The following PDE1A variants were observed in gnomAD, a reference collection of about 807,000 sequenced individuals.
The protein encoded by PDE1A is phosphodiesterase 1A.
PDE1A carries 35 observed loss-of-function variants against 61.7 expected under a neutral mutation model. That is an observed-to-expected ratio of 0.57 (90% CI 0.43 to 0.75). The LOEUF (loss-of-function observed/expected upper bound fraction) is 0.75, where lower values mean the gene tolerates loss of function less well. PDE1A is among the 30% of genes least tolerant of loss of function. The pLI is 0.00. For synonymous variants in PDE1A, 232 were observed against 213.2 expected (o/e 1.09, Z -0.77); for missense variants, 597 against 630.6 (o/e 0.95, Z 0.57).
rs891299494 is a variant in PDE1A, at chr2:182,417,603, T to C, written c.53+8975A>G. 2.6e-5 allele frequency among the ~76,000 whole-genome samples: 4 copies of C among 152,186 alleles called. No individual in the cohort carries two copies. The East Asian group carries it at 7.7e-4, about 29-fold the overall frequency. On this transcript the variant is annotated intron_variant, in intron 1 of 13. Coordinates refer to ENST00000351439, the Ensembl canonical transcript of PDE1A. ...CTTCTTCATATTCAGAAGTCCACTG[T>C]ACCCAACAGAGATTTTTCATGAAAA...
chr2:182,493,528 A>G (rs529358696), intron 2 of PDE1A, among the ~76,000 whole-genome samples: 2 of 152,250 alleles, frequency 1.3e-5, no homozygotes, highest in South Asian at 4.1e-4. Flanking sequence ...GAGAACATGC[A>G]GTGTTAGAAC....
At chr2:182,671,809 CAG>C in the PDE1A span, among the ~76,000 whole-genome samples, 95,806 of 150,494 alleles carry the variant, frequency 0.64, 30,986 homozygotes, top group Middle Eastern at 0.78. Context: ...TTAGTAGAGA[CAG>C]AGTTTCACCA....
chr2:182,259,512 T>G (rs1027806113), intron 2 of PDE1A, among the ~76,000 whole-genome samples: 7 of 152,246 alleles, frequency 4.6e-5, no homozygotes, highest in Non-Finnish European at 8.8e-5. Flanking sequence ...TTAGGCATTG[T>G]TACACATTTA....
intron 8 of PDE1A, 45 bp downstream of exon 8, chr2:182,205,895 C>T (rs753660508): frequency 3.9e-6 from 6 of 1,544,620 alleles, no homozygotes; most frequent in Non-Finnish European, 5.3e-6. Context: ...ATAATTTATT[C>T]CTTTCCTGAA....
At chr2:182,714,255 T>C in the PDE1A span, among the ~76,000 whole-genome samples, 1 of 152,360 alleles carries the variant, frequency 6.6e-6, no homozygotes, top group Non-Finnish European at 1.5e-5. Context: ...TGTGCTTTCA[T>C]TCTTGATGTT....
the PDE1A span, among the ~76,000 whole-genome samples, chr2:182,536,034 G>A: frequency 6.6e-6 from 1 of 152,112 alleles, no homozygotes; most frequent in Non-Finnish European, 1.5e-5. Flanking sequence ...GTACCACACA[G>A]CTCATCTTCA....
At chr2:182,593,813 G>T in the PDE1A span, among the ~76,000 whole-genome samples, 25 of 152,254 alleles carry the variant, frequency 1.6e-4, no homozygotes, top group Middle Eastern at 3.4e-3. Context: ...CCCAATAAAG[G>T]TCTTTTGAGT....
At chr2:182,336,976 T>TAAAAAA (rs10679939) in intron 1 of PDE1A, among the ~76,000 whole-genome samples, 233 of 148,664 alleles carry the variant, frequency 1.6e-3, no homozygotes, top group South Asian at 5.5e-3. Context: ...TTTTTTTTTT[T>TAAAAAA]AAATAAAGAA....
chr2:182,532,960 A>AAAC, the PDE1A span, among the ~76,000 whole-genome samples: 2 of 149,208 alleles, frequency 1.3e-5, no homozygotes, highest in East Asian at 2.0e-4. Context: ...AAAAAAAAAA[A>AAAC]AAAAAAAAAA....
chr2:182,317,951 T>G (rs913791678), intron 1 of PDE1A, among the ~76,000 whole-genome samples: 2 of 152,126 alleles, frequency 1.3e-5, no homozygotes, highest in Non-Finnish European at 2.9e-5. Flanking sequence ...GATATGATTA[T>G]CTAACTCTGA....
At chr2:182,541,005 C>T in the PDE1A span, among the ~76,000 whole-genome samples, 1 of 152,022 alleles carries the variant, frequency 6.6e-6, no homozygotes, top group Non-Finnish European at 1.5e-5. Flanking sequence ...AATATAATTG[C>T]AGCAATTATC....
chr2:182,495,290 C>T (rs1228685654), intron 2 of PDE1A, among the ~76,000 whole-genome samples: 1 of 152,158 alleles, frequency 6.6e-6, no homozygotes, highest in Non-Finnish European at 1.5e-5. Flanking sequence ...CTGAAATCCT[C>T]CCTTTCAGTA....
intron 2 of PDE1A, among the ~76,000 whole-genome samples, chr2:182,458,398 G>A (rs1335693232): frequency 6.6e-6 from 1 of 152,096 alleles, no homozygotes; most frequent in Non-Finnish European, 1.5e-5. Flanking sequence ...AACAAAATGT[G>A]TAAAGTCCCT....
downstream of PDE1A, among the ~76,000 whole-genome samples, chr2:182,167,362 A>C: frequency 6.6e-6 from 1 of 152,160 alleles, no homozygotes; most frequent in Non-Finnish European, 1.5e-5. Context: ...TGGCCAGCTT[A>C]CAGAGACTGT....
chr2:182,325,451 A>C (rs1047548453), intron 1 of PDE1A, among the ~76,000 whole-genome samples: 1 of 152,196 alleles, frequency 6.6e-6, no homozygotes, highest in Non-Finnish European at 1.5e-5. Flanking sequence ...TAATGAAACA[A>C]AACAATGGAA....
the PDE1A span, among the ~76,000 whole-genome samples, chr2:182,655,370 T>C: frequency 6.6e-6 from 1 of 152,184 alleles, no homozygotes. Flanking sequence ...ACTAGGATGT[T>C]AAATCTTGAG....
intron 13 of PDE1A, among the ~76,000 whole-genome samples, chr2:182,154,673 A>G (rs764746224): frequency 2.0e-5 from 3 of 152,166 alleles, no homozygotes; most frequent in African/African-American, 4.8e-5. Context: ...GCCTTCTGCC[A>G]TGATTGTGAT....
intron 1 of PDE1A, among the ~76,000 whole-genome samples, chr2:182,339,627 AG>A (rs1216268150): frequency 1.3e-5 from 2 of 152,182 alleles, no homozygotes; most frequent in Admixed American, 1.3e-4. Flanking sequence ...TATCTGCTGG[AG>A]CCTACTGCAC....
intron 13 of PDE1A, among the ~76,000 whole-genome samples, chr2:182,153,658 A>C (rs1396438331): frequency 3.3e-5 from 5 of 152,206 alleles, no homozygotes; most frequent in Non-Finnish European, 7.3e-5. Context: ...TGGAGAGAGA[A>C]GCTCTGGAGT....
Sources: gnomAD v4.1 joint callset for allele counts (sites outside exome capture counted in the v4.1 genomes callset) on GRCh38, gnomAD v4.1.1 for gene constraint, MANE v1.5 for transcripts, NCBI Gene and HGNC (gene_info 2026-07-23, HGNC 2026-07-21) for gene names.